TG: variants seen among roughly 807,000 people sequenced by gnomAD.
TG encodes thyroid hormones.
In TG, 270 loss-of-function variants were observed where a neutral mutation model predicts 324.7. That is an observed-to-expected ratio of 0.83 (90% CI 0.75 to 0.92). TG has a LOEUF of 0.92. Among genes scored for constraint, TG ranks in the 40% least tolerant of loss-of-function variants. The pLI is 0.00. For missense variants in TG, 3,591 were observed against 3,456.4 expected (o/e 1.04, Z -0.98); for synonymous variants, 1,401 against 1,327.0 (o/e 1.06, Z -1.21).
intron 43 of TG, among the ~76,000 whole-genome samples, chr8:133,100,367 T>C (rs1209505636): frequency 6.6e-6 from 1 of 152,220 alleles, no homozygotes; most frequent in Non-Finnish European, 1.5e-5. Context: ...TATGTATTTG[T>C]CTGTTGTCTT....
In TG at chr8:132,871,536, G is replaced by C. The variant is rs139460070; in HGVS notation, c.463G>C (p.Gly155Arg). The stretch of plus-strand genomic sequence containing the variant: ...GGAGGTGTATGGGACCCGCCAGCTG[G>C]GGAGGCCAAAGCGATGTGAGTTTCA... ...GMEVYGTRQL[G>R]RPKRCPRSCE... The change falls in exon 4 of 48, where the codon GGG becomes CGG. Residue 155 changes from glycine (G) to arginine (R), a missense_variant. Physicochemically the swap from Gly to Arg is moderately radical, Grantham distance 125. Coordinates refer to ENST00000220616, the MANE Select transcript of TG (RefSeq NM_003235.5). 6.2e-7 allele frequency: 1 copy of C among 1,613,902 alleles called. No individual in the cohort carries two copies. The highest frequency in any genetic ancestry group is 8.5e-7 in the Non-Finnish European group (1 of 1,179,822).
chr8:132,882,804 T>A lies in TG; in HGVS notation c.890-10T>A, dbSNP rs371152510. On this transcript the variant is annotated splice_polypyrimidine_tract_variant and intron_variant, in intron 7 of 47. Coordinates refer to ENST00000220616, the MANE Select transcript of TG (RefSeq NM_003235.5). ...GACACTGTCTTCTTTACTGTGTGGA[T>A]TTCCTCTAGGCCCCACAAAATGTGA... is the stretch of plus-strand genomic sequence containing the variant. 1.2e-6 allele frequency: 2 copies of A among 1,614,070 alleles called. No homozygotes were observed. Among genetic ancestry groups the A allele is most frequent in the African/African-American group, 2.7e-5 (2 of 74,918 alleles).
intron 29 of TG, among the ~76,000 whole-genome samples, chr8:132,964,116 C>CA (rs1291034405): frequency 6.6e-6 from 1 of 152,004 alleles, no homozygotes; most frequent in Non-Finnish European, 1.5e-5. Context: ...GGGGCAGCCA[C>CA]ACAGCTTGTG....
chr8:133,106,557 G>A (rs533784282), intron 43 of TG: 138 of 629,410 alleles, frequency 2.2e-4, no homozygotes, highest in Non-Finnish European at 2.7e-4. Context: ...TCACTCCACT[G>A]ACCCCGTGGA....
Position 132,888,488 on chromosome 8 carries a change from A to G in TG, c.2681A>G (p.Asp894Gly), listed in dbSNP as rs754443145. ...SDFSTPLAHF[D>G]LRNCWCVDEA... Reference sequence around the variant, plus strand: ...TTCAGCACTCCTTTGGCACATTTTGATCTTCGGAACTGCTGGTGTGTGGAT... The same window carrying G: ...TTCAGCACTCCTTTGGCACATTTTGGTCTTCGGAACTGCTGGTGTGTGGAT... Residue 894 changes from aspartate (D) to glycine (G), a missense_variant, in exon 10 of 48, where the codon GAT (aspartate) becomes GGT (glycine). Physicochemically the swap from Asp to Gly is moderately conservative, Grantham distance 94 (BLOSUM62 -1). Coordinates refer to ENST00000220616, the MANE Select transcript of TG (RefSeq NM_003235.5). The G allele has an allele frequency of 1.9e-6, 3 of 1,610,008 alleles. No individual in the cohort carries two copies. The highest frequency in any genetic ancestry group is 2.5e-6 in the Non-Finnish European group (3 of 1,178,234).
Position 132,887,399 on chromosome 8 carries a change from AGCCTGCTG to A in TG, c.2030_2037del (p.Pro677LeufsTer10). Reference sequence around the variant, plus strand: ...CGCATGCAAAGCCTCATGGGCAGCCAGCCTGCTGGCTCCACCTTGTTTGTCCCTGCTTG... The same window carrying A: ...CGCATGCAAAGCCTCATGGGCAGCCAGCTCCACCTTGTTTGTCCCTGCTTG... On this transcript the variant is annotated frameshift_variant, in exon 9 of 48. Transcript: ENST00000220616. LOFTEE classifies it high-confidence loss of function. 1 of 1,614,232 alleles carries A rather than the reference AGCCTGCTG, an allele frequency of 6.2e-7. No homozygotes were observed. Among genetic ancestry groups the A allele is most frequent in the South Asian group, 1.1e-5 (1 of 91,088 alleles).
chr8:132,908,420 T>TACCCTGAGGGTTTGAGTTC, intron 18 of TG, 80 bp downstream of exon 18: 2 of 981,176 alleles, frequency 2.0e-6, no homozygotes, highest in Non-Finnish European at 3.0e-6. Context: ...GGGCTCACAT[T>TACCCTGAGGGTTTGAGTTC]AACACAGAGG....
At chr8:133,032,698 G>C (rs1300661065) in intron 41 of TG, among the ~76,000 whole-genome samples, 1 of 152,210 alleles carries the variant, frequency 6.6e-6, no homozygotes, top group Non-Finnish European at 1.5e-5. Flanking sequence ...AAATGAATAT[G>C]AGTTGGCAGT....
At chr8:133,095,375 C>T (rs988665844) in intron 42 of TG, among the ~76,000 whole-genome samples, 167 bp downstream of exon 42, 1 of 152,162 alleles carries the variant, frequency 6.6e-6, no homozygotes, top group African/African-American at 2.4e-5. Flanking sequence ...TGTGCATGCG[C>T]CACAGCCTGC....
chr8:132,995,599 A>G (rs1832796775), intron 35 of TG: 2 of 864,790 alleles, frequency 2.3e-6, no homozygotes, highest in Non-Finnish European at 2.8e-6. Flanking sequence ...ATGTGACCCC[A>G]TGAAAGAGGA....
chr8:133,010,585 G>A lies in TG; in HGVS notation c.6263-1316G>A, dbSNP rs566172291. The stretch of plus-strand genomic sequence containing the variant: ...GGAGTGTTCTGGAATCAGCTCTCCC[G>A]AATGATCATGGAAGCCTATCTTGAG... On this transcript the variant is annotated intron_variant, in intron 35 of 47. Transcript: ENST00000220616. Among the ~76,000 whole-genome samples the A allele has an allele frequency of 8.5e-5, 13 of 152,290 alleles. No homozygotes were observed. The South Asian group carries it at 2.3e-3, about 27-fold the overall frequency.
At chr8:133,128,023 T>C (rs1445973518) in intron 45 of TG, among the ~76,000 whole-genome samples, 1 of 152,156 alleles carries the variant, frequency 6.6e-6, no homozygotes, top group African/African-American at 2.4e-5. Flanking sequence ...CTGGAATAAA[T>C]GGTATTTCAT....
intron 43 of TG, among the ~76,000 whole-genome samples, chr8:133,110,525 T>A (rs1049987812): frequency 2.8e-4 from 43 of 152,256 alleles, no homozygotes; most frequent in African/African-American, 9.9e-4. Context: ...TAGCATTTTT[T>A]AAATGCTTTC....
chr8:132,990,688 AT>A lies in TG; in HGVS notation c.6262+7280del, dbSNP rs147383854. On this transcript the variant is annotated intron_variant, in intron 35 of 47. Transcript: ENST00000220616. Reference sequence around the variant, plus strand: ...AATCACCATGCTAAATGCTTTCTATATTTTAATCTTCACAACTGCCCTACAA... The same window carrying A: ...AATCACCATGCTAAATGCTTTCTATATTTAATCTTCACAACTGCCCTACAA... 7.4e-3 allele frequency among the ~76,000 whole-genome samples: 1,131 copies of A among 152,268 alleles called. 8 individuals carry two copies. Among genetic ancestry groups the A allele is most frequent in the Non-Finnish European group, 0.012 (835 of 68,024 alleles).
In TG at chr8:132,906,817, G is replaced by C; in HGVS notation, c.3764G>C (p.Ser1255Thr). Residue 1255 changes from serine to threonine, a missense_variant, in exon 17 of 48, where the codon AGC becomes ACC. Ser to Thr is a moderately conservative substitution (Grantham distance 58). Transcript: ENST00000220616. ...CQLLCRQGSW[S>T]VFPPGPLICS... ...TTGCTGTGCCGCCAGGGCTCCTGGA[G>C]CGTGTTTCCACCAGGGCCATTGATA... 1 of 1,614,188 alleles carries C rather than the reference G, an allele frequency of 6.2e-7. No homozygotes were observed. Among genetic ancestry groups the C allele is most frequent in the Non-Finnish European group, 8.5e-7 (1 of 1,180,036 alleles).
At chr8:132,994,584 C>A in intron 35 of TG, 1 of 928,438 alleles carries the variant, frequency 1.1e-6, no homozygotes. Flanking sequence ...GCTAGTGCTA[C>A]ACAAAGTTTT....
At chr8:133,052,479 C>T (rs967231149) in intron 41 of TG, among the ~76,000 whole-genome samples, 2 of 152,102 alleles carry the variant, frequency 1.3e-5, no homozygotes, top group Non-Finnish European at 2.9e-5. Context: ...AAAGGGCTGG[C>T]CCAGCCAGAC....
At chr8:132,961,205 T>G (rs1827712951) in intron 28 of TG, 132 bp downstream of exon 28, 2 of 914,808 alleles carry the variant, frequency 2.2e-6, no homozygotes, top group Admixed American at 4.0e-5. Flanking sequence ...AATGCATACT[T>G]TCTGTGGAAT....
chr8:133,094,966 T>A, intron 41 of TG, 78 bp from the exon 42 acceptor site: 7 of 1,596,488 alleles, frequency 4.4e-6, no homozygotes, highest in Admixed American at 1.7e-5. Flanking sequence ...AGAACCCTGA[T>A]GTGGCACTGA....
Sources: allele counts gnomAD v4.1 joint callset (sites outside exome capture counted in the v4.1 genomes callset), GRCh38; gene constraint gnomAD v4.1.1; transcripts MANE v1.5; gene names NCBI Gene and HGNC (gene_info 2026-07-23, HGNC 2026-07-21).